Variants in FGF14 observed in about 807,000 individuals in gnomAD.
FGF14 encodes fibroblast growth factor homologous factor 4.
FGF14 carries 5 observed loss-of-function variants against 25.5 expected under a neutral mutation model. The ratio of observed to expected loss-of-function variants is 0.20; its 90% CI spans 0.10 to 0.41. The LOEUF (loss-of-function observed/expected upper bound fraction) is 0.41. Among genes scored for constraint, FGF14 ranks in the 10% least tolerant of loss-of-function variants. The pLI is 1.00. For synonymous variants in FGF14, 138 were observed against 118.3 expected, an observed-to-expected ratio of 1.17 and a Z score of -1.08; for missense variants, 222 against 320.1, an observed-to-expected ratio of 0.69 and a Z score of 2.34.
chr13:101,721,404 G>T lies in FGF14; in HGVS notation c.*1427C>A, dbSNP rs910600089. 5 of 151,232 alleles carry T rather than the reference G, an allele frequency of 3.3e-5. No homozygotes were observed. The highest frequency in any genetic ancestry group is 7.4e-5 in the Non-Finnish European group (5 of 67,834). 9.4% of individuals were successfully genotyped at this position (151,232 alleles called of 1,614,324 possible). A position where few individuals can be genotyped will look rare whatever the true frequency, so the allele number is the denominator to read the frequency against. ...CAAAATAAAAGAAAATAAATGGAAT[G>T]GACCAAAATCCTCATGGATGAATGT... On this transcript the variant is annotated 3_prime_UTR_variant, in exon 5 of 5. Transcript: ENST00000376143.
intron 2 of FGF14, 29 bp downstream of exon 2, chr13:101,875,157 G>C (rs1412593443): frequency 7.0e-7 from 1 of 1,434,660 alleles, no homozygotes; most frequent in African/African-American, 1.4e-5. Context: ...TACCAACTAT[G>C]TAACTGGTGG....
chr13:102,148,545 A>C (rs760039533), intron 1 of FGF14, among the ~76,000 whole-genome samples: 2 of 152,198 alleles, frequency 1.3e-5, no homozygotes, highest in Non-Finnish European at 2.9e-5. Flanking sequence ...GCAGTGGCTC[A>C]CACCTGTAAT....
chr13:102,365,333 A>T (rs1317982476), intron 1 of FGF14, among the ~76,000 whole-genome samples: 1 of 152,054 alleles, frequency 6.6e-6, no homozygotes, highest in Admixed American at 6.6e-5. Context: ...AAATGGAAAG[A>T]TCTGAAGTCA....
intron 1 of FGF14, among the ~76,000 whole-genome samples, chr13:101,996,549 G>T (rs943869669): frequency 2.6e-5 from 4 of 152,162 alleles, no homozygotes; most frequent in African/African-American, 9.7e-5. Context: ...TAAAGAAAAA[G>T]ATGAGATAAA....
At chr13:102,333,389 A>G (rs1179348233) in intron 1 of FGF14, among the ~76,000 whole-genome samples, 2 of 152,214 alleles carry the variant, frequency 1.3e-5, no homozygotes, top group Non-Finnish European at 2.9e-5. Context: ...AAGCTGGCCC[A>G]TAAAACAGTC....
intron 1 of FGF14, among the ~76,000 whole-genome samples, chr13:102,365,322 G>C (rs1389038186): frequency 6.6e-6 from 1 of 152,022 alleles, no homozygotes. Context: ...GGAATCCATG[G>C]AAATGGAAAG....
At chr13:102,020,370 G>T (rs374849708) in intron 1 of FGF14, among the ~76,000 whole-genome samples, 61 of 152,196 alleles carry the variant, frequency 4.0e-4, no homozygotes, top group African/African-American at 1.3e-3. Flanking sequence ...CCAACATGGT[G>T]AAACCCTGTC....
At chr13:102,161,599 A>AT (rs2047675667) in intron 1 of FGF14, among the ~76,000 whole-genome samples, 2 of 5,740 alleles carry the variant, frequency 3.5e-4, no homozygotes, top group African/African-American at 4.7e-3. Flanking sequence ...GAAGAAGAAG[A>AT]AGAAGAAGAA....
chr13:101,728,518 C>A (rs1486805569), intron 3 of FGF14, among the ~76,000 whole-genome samples: 1 of 152,110 alleles, frequency 6.6e-6, no homozygotes, highest in Admixed American at 6.6e-5. Context: ...TAAAACAGTA[C>A]ATGTTCATGC....
intron 1 of FGF14, among the ~76,000 whole-genome samples, chr13:102,263,565 A>G (rs1013835435): frequency 5.3e-5 from 8 of 152,200 alleles, no homozygotes; most frequent in Non-Finnish European, 1.0e-4. Context: ...ATAAAAACAT[A>G]TACTTAGTTC....
intron 3 of FGF14, among the ~76,000 whole-genome samples, chr13:101,784,457 G>T (rs888765020): frequency 1.2e-4 from 18 of 152,076 alleles, no homozygotes; most frequent in African/African-American, 4.3e-4. Flanking sequence ...AGCCATTTCT[G>T]ATTGGGTTGC....
At chr13:102,266,450 C>T (rs955714707) in intron 1 of FGF14, among the ~76,000 whole-genome samples, 1 of 152,052 alleles carries the variant, frequency 6.6e-6, no homozygotes, top group East Asian at 1.9e-4. Flanking sequence ...CAAGGCTAAT[C>T]CTCTTTGTGG....
At chr13:102,173,098 C>T (rs950359717) in intron 1 of FGF14, among the ~76,000 whole-genome samples, 1 of 152,006 alleles carries the variant, frequency 6.6e-6, no homozygotes, top group African/African-American at 2.4e-5. Flanking sequence ...TGATAAGAGG[C>T]TAATATCCAA....
intron 3 of FGF14, among the ~76,000 whole-genome samples, chr13:101,753,258 T>C (rs1277038177): frequency 6.6e-6 from 1 of 150,440 alleles, no homozygotes; most frequent in Non-Finnish European, 1.5e-5. Context: ...CCATATATTA[T>C]ATATGATCAA....
At chr13:101,824,730 C>T (rs568835634) in intron 3 of FGF14, among the ~76,000 whole-genome samples, 105 of 152,186 alleles carry the variant, frequency 6.9e-4, no homozygotes, top group Non-Finnish European at 1.4e-3. Flanking sequence ...CCAGAGGAAC[C>T]GACCACGTGA....
Position 101,716,782 on chromosome 13 carries a change from A to G in FGF14, c.*6049T>C, listed in dbSNP as rs2034741088. The G allele has an allele frequency of 1.3e-5, 1 of 74,534 alleles. No individual in the cohort carries two copies. Among genetic ancestry groups the G allele is most frequent in the Non-Finnish European group, 2.7e-5 (1 of 36,854 alleles). The allele number at this position is 74,534 out of a possible 1,614,324, so 4.6% of individuals were successfully genotyped here. A position where few individuals can be genotyped will look rare whatever the true frequency, so the allele number is the denominator to read the frequency against. ...AAAATGGCACCAATCTCAGAAGCTC[A>G]CAAAAGACCAAAAAAAAAAAAAAAT... On this transcript the variant is annotated 3_prime_UTR_variant, in exon 5 of 5. Transcript: ENST00000376143.
intron 3 of FGF14, among the ~76,000 whole-genome samples, chr13:101,744,225 A>G (rs1334520717): frequency 6.6e-6 from 1 of 152,136 alleles, no homozygotes; most frequent in African/African-American, 2.4e-5. Flanking sequence ...GTAGCATGCT[A>G]GAGCCTGGCC....
chr13:101,796,590 T>A (rs1212257004), intron 3 of FGF14, among the ~76,000 whole-genome samples: 1 of 151,932 alleles, frequency 6.6e-6, no homozygotes, highest in Non-Finnish European at 1.5e-5. Context: ...AATACGATCA[T>A]GAAGATAGGC....
intron 1 of FGF14, among the ~76,000 whole-genome samples, chr13:102,193,953 G>C (rs2049233446): frequency 1.3e-5 from 2 of 151,912 alleles, no homozygotes; most frequent in South Asian, 4.1e-4. Context: ...AGAATTCCTA[G>C]TCAAAAATTT....
Sources: gnomAD v4.1 joint callset for allele counts (sites outside exome capture counted in the v4.1 genomes callset) on GRCh38, gnomAD v4.1.1 for gene constraint, MANE v1.5 for transcripts, NCBI Gene and HGNC (gene_info 2026-07-23, HGNC 2026-07-21) for gene names.